Variants in GRIK2 observed in about 807,000 individuals in gnomAD.
GRIK2 encodes the protein glutamate ionotropic receptor kainate type subunit 2, also known as glutamate receptor ionotropic, kainate 2.
A neutral mutation model predicts 100.3 loss-of-function variants in GRIK2; 32 were observed. That is an observed-to-expected ratio of 0.32 (90% CI 0.24 to 0.43). The LOEUF is 0.43. GRIK2 is among the 20% of genes least tolerant of loss of function. GRIK2 has a pLI of 1.00. For synonymous variants in GRIK2, 417 were observed against 389.4 expected, an observed-to-expected ratio of 1.07 and a Z score of -0.83; for missense variants, 843 against 1,114.9, an observed-to-expected ratio of 0.76 and a Z score of 3.47.
intron 15 of GRIK2, among the ~76,000 whole-genome samples, chr6:102,038,703 T>G (rs933634861): frequency 7.3e-6 from 1 of 137,254 alleles, no homozygotes; most frequent in Admixed American, 7.3e-5. Context: ...TCCTTGAGGT[T>G]CTTGCTCTTT....
At chr6:101,993,506 A>G (rs1174155708) in intron 14 of GRIK2, 1 of 151,282 alleles carries the variant, frequency 6.6e-6, no homozygotes, top group Non-Finnish European at 1.5e-5. Context: ...TAAAATATGT[A>G]TGGCCTTTTC....
At chr6:101,669,012 A>G (rs1770232966) in intron 4 of GRIK2, among the ~76,000 whole-genome samples, 1 of 152,174 alleles carries the variant, frequency 6.6e-6, no homozygotes, top group African/African-American at 2.4e-5. Flanking sequence ...AAAAAAAAAT[A>G]ACAGTACTGT....
intron 7 of GRIK2, among the ~76,000 whole-genome samples, chr6:101,752,114 T>A (rs1436313996): frequency 6.6e-6 from 1 of 152,238 alleles, no homozygotes; most frequent in Non-Finnish European, 1.5e-5. Context: ...AAATTGGTTC[T>A]TTATCATCTT....
Position 101,869,413 on chromosome 6 carries a change from G to A in GRIK2, c.1524+9920G>A, listed in dbSNP as rs79447935. On this transcript the variant is annotated intron_variant, in intron 11 of 16. Coordinates refer to ENST00000369134, the MANE Select transcript of GRIK2 (RefSeq NM_021956.5). ...CTGTTGTTTTGTGCCAAAATCATGT[G>A]CCTTCATCCATATAATTTCCTGATC... is the stretch of plus-strand genomic sequence containing the variant. Among the ~76,000 whole-genome samples the A allele has an allele frequency of 7.0e-3, 1,060 of 151,914 alleles. 22 individuals are homozygous for A. The highest frequency in any genetic ancestry group is 0.024 in the African/African-American group (1,014 of 41,388).
chr6:101,550,741 G>A (rs895130451), intron 2 of GRIK2, among the ~76,000 whole-genome samples: 5 of 152,136 alleles, frequency 3.3e-5, no homozygotes, highest in African/African-American at 1.2e-4. Flanking sequence ...CATATACACT[G>A]AAAGCAGACT....
At chr6:101,745,393 G>A (rs1238841496) in intron 7 of GRIK2, among the ~76,000 whole-genome samples, 1 of 152,046 alleles carries the variant, frequency 6.6e-6, no homozygotes, top group Non-Finnish European at 1.5e-5. Flanking sequence ...AAACAGCTGA[G>A]CATGATGGGC....
chr6:101,681,598 A>T (rs1771260698), intron 5 of GRIK2, among the ~76,000 whole-genome samples: 1 of 152,086 alleles, frequency 6.6e-6, no homozygotes, highest in African/African-American at 2.4e-5. Context: ...AAAATATACA[A>T]TTAAATTATT....
At chr6:101,459,401 G>A (rs1398551500) in intron 2 of GRIK2, among the ~76,000 whole-genome samples, 1 of 152,108 alleles carries the variant, frequency 6.6e-6, no homozygotes, top group South Asian at 2.1e-4. Flanking sequence ...TATTTGCCAT[G>A]CATCTTAAGG....
chr6:101,714,469 A>AG (rs1351279274), intron 7 of GRIK2, among the ~76,000 whole-genome samples: 1 of 151,606 alleles, frequency 6.6e-6, no homozygotes, highest in Non-Finnish European at 1.5e-5. Flanking sequence ...GAGCTTAAAA[A>AG]AAATAGACTT....
intron 6 of GRIK2, among the ~76,000 whole-genome samples, chr6:101,685,538 G>A (rs1771614285): frequency 1.3e-5 from 2 of 152,080 alleles, no homozygotes; most frequent in South Asian, 4.1e-4. Context: ...CAACTAAAGG[G>A]CAGAGCAAGA....
intron 7 of GRIK2, among the ~76,000 whole-genome samples, chr6:101,737,686 ATG>A (rs949133463): frequency 1.3e-5 from 2 of 152,224 alleles, no homozygotes; most frequent in Non-Finnish European, 2.9e-5. Flanking sequence ...ATGGTGAAAA[ATG>A]TAATGAAACC....
At chr6:101,958,674 G>T (rs1792098631) in intron 14 of GRIK2, among the ~76,000 whole-genome samples, 1 of 151,818 alleles carries the variant, frequency 6.6e-6, no homozygotes, top group Admixed American at 6.6e-5. Flanking sequence ...GTTATATATG[G>T]CCTTTATTAT....
Position 101,793,400 on chromosome 6 carries a change from T to A in GRIK2, c.952-6248T>A, listed in dbSNP as rs568112806. The stretch of plus-strand genomic sequence containing the variant: ...GATGGGTTTTGGTGTGGATGTCCTT[T>A]CTGTTTGTTAGTTTTCCTTCTAACA... On this transcript the variant is annotated intron_variant, in intron 7 of 16. Transcript: ENST00000369134. 1.2e-4 allele frequency among the ~76,000 whole-genome samples: 18 copies of A among 152,320 alleles called. No individual in the cohort carries two copies. The South Asian group carries it at 3.5e-3, about 30-fold the overall frequency.
In GRIK2 at chr6:101,795,703, G is replaced by A. The variant is rs1780254985; in HGVS notation, c.952-3945G>A. Among the ~76,000 whole-genome samples, 6 of 152,346 alleles carry A rather than the reference G, an allele frequency of 3.9e-5. No individual in the cohort carries two copies. In the South Asian group the frequency reaches 1.2e-3, roughly 32 times the overall value. ...CTGGATGGACCAGCCCTCAGGAGAA[G>A]TGCACGGACACCAGCAGTGGTGAAC... On this transcript the variant is annotated intron_variant, in intron 7 of 16. Coordinates refer to ENST00000369134, the MANE Select transcript of GRIK2 (RefSeq NM_021956.5).
At chr6:101,948,355 C>T (rs1791400224) in intron 14 of GRIK2, among the ~76,000 whole-genome samples, 1 of 150,504 alleles carries the variant, frequency 6.6e-6, no homozygotes, top group African/African-American at 2.4e-5. Context: ...CAGTAAGTGA[C>T]ATAAGCCACA....
chr6:102,052,422 G>A (rs538033798), intron 15 of GRIK2, among the ~76,000 whole-genome samples: 1 of 152,246 alleles, frequency 6.6e-6, no homozygotes, highest in East Asian at 1.9e-4. Context: ...AAGCAAGTGT[G>A]CTGAGGTTTG....
intron 14 of GRIK2, among the ~76,000 whole-genome samples, chr6:101,994,908 A>G (rs1341707354): frequency 6.6e-6 from 1 of 151,932 alleles, no homozygotes; most frequent in Non-Finnish European, 1.5e-5. Flanking sequence ...AGGATAAGTA[A>G]TTTTGATATC....
At chr6:101,880,363 T>G (rs902309983) in intron 11 of GRIK2, among the ~76,000 whole-genome samples, 1 of 152,082 alleles carries the variant, frequency 6.6e-6, no homozygotes, top group Non-Finnish European at 1.5e-5. Context: ...ATTCCATAAA[T>G]CTTCTCCTAA....
intron 2 of GRIK2, among the ~76,000 whole-genome samples, chr6:101,457,234 T>A (rs1055956900): frequency 2.6e-5 from 4 of 152,158 alleles, no homozygotes; most frequent in African/African-American, 9.6e-5. Flanking sequence ...AATATCAACA[T>A]CAATATTATA....
Sources: gnomAD v4.1 joint callset for allele counts (sites outside exome capture counted in the v4.1 genomes callset) on GRCh38, gnomAD v4.1.1 for gene constraint, MANE v1.5 for transcripts, NCBI Gene and HGNC (gene_info 2026-07-23, HGNC 2026-07-21) for gene names.